NTNG1: variants seen among roughly 807,000 people sequenced by gnomAD.
NTNG1 encodes netrin G1, also known as netrin-G1.
In NTNG1, 16 loss-of-function variants were observed where a neutral mutation model predicts 54.0. The ratio of observed to expected loss-of-function variants is 0.30; its 90% CI spans 0.20 to 0.45. The LOEUF is 0.45. Ranked by LOEUF, NTNG1 falls within the 20% of genes least tolerant of loss-of-function variation. The probability of loss-of-function intolerance (pLI) is 1.00; values close to 1 mark genes in which losing one functional copy is unlikely to be tolerated. For missense variants in NTNG1, 530 were observed against 678.7 expected (o/e 0.78, Z 2.43); for synonymous variants, 255 against 263.1 (o/e 0.97, Z 0.30).
At chr1:107,406,720 A>C (rs1266781185) in intron 4 of NTNG1, among the ~76,000 whole-genome samples, 4 of 152,136 alleles carry the variant, frequency 2.6e-5, no homozygotes, top group Non-Finnish European at 5.9e-5. Context: ...GACCTAGTAC[A>C]TACTACCTGT....
chr1:107,463,925 G>T (rs543564955), intron 7 of NTNG1, among the ~76,000 whole-genome samples: 1 of 152,198 alleles, frequency 6.6e-6, no homozygotes, highest in African/African-American at 2.4e-5. Context: ...GGGGTTTGAG[G>T]TTATTTTGAA....
intron 3 of NTNG1, among the ~76,000 whole-genome samples, chr1:107,369,359 C>T (rs1264762679): frequency 6.6e-6 from 1 of 152,152 alleles, no homozygotes; most frequent in Non-Finnish European, 1.5e-5. Context: ...GTTACATTCG[C>T]ACTCACAGTG....
intron 3 of NTNG1, among the ~76,000 whole-genome samples, chr1:107,346,002 G>T (rs1669199782): frequency 6.6e-6 from 1 of 152,144 alleles, no homozygotes; most frequent in South Asian, 2.1e-4. Context: ...ACATCAACCA[G>T]CAACACACAA....
In NTNG1 at chr1:107,220,307, G is replaced by A. The variant is rs547824551; in HGVS notation, c.246+71468G>A. 3.9e-5 allele frequency among the ~76,000 whole-genome samples: 6 copies of A among 152,290 alleles called. No homozygotes were observed. The South Asian group carries it at 1.2e-3, about 32-fold the overall frequency. The stretch of plus-strand genomic sequence containing the variant: ...TGGCTCTCCCATGGAGCCTGCAGTG[G>A]CAATCCACCACCTTCAAAGGGTCTG... On this transcript the variant is annotated intron_variant, in intron 2 of 7. Transcript: ENST00000370068.
intron 6 of NTNG1, among the ~76,000 whole-genome samples, chr1:107,431,608 G>A (rs959207074): frequency 1.3e-5 from 2 of 152,022 alleles, no homozygotes; most frequent in African/African-American, 4.8e-5. Context: ...ACTGCTCTTG[G>A]CACCTAGGGA....
intron 2 of NTNG1, among the ~76,000 whole-genome samples, chr1:107,154,123 G>A (rs1455586316): frequency 6.6e-6 from 1 of 152,040 alleles, no homozygotes; most frequent in Non-Finnish European, 1.5e-5. Context: ...GTAGAGTCCT[G>A]AGCAAACTTA....
intron 7 of NTNG1, chr1:107,455,726 A>C (rs1676914163): frequency 2.6e-6 from 1 of 383,856 alleles, no homozygotes; most frequent in Non-Finnish European, 5.8e-6. Flanking sequence ...TGAGCCTTTT[A>C]CTGTGGTAGC....
chr1:107,205,627 TA>T (rs1302942525), intron 2 of NTNG1, among the ~76,000 whole-genome samples: 6,731 of 151,420 alleles, frequency 0.044, 150 homozygotes, highest in Non-Finnish European at 0.051. Context: ...ACTTTTTTTT[TA>T]AAAAAAACTA....
At chr1:107,281,383 G>A (rs1233191173) in intron 2 of NTNG1, among the ~76,000 whole-genome samples, 1 of 151,468 alleles carries the variant, frequency 6.6e-6, no homozygotes, top group Non-Finnish European at 1.5e-5. Flanking sequence ...AATATGATTA[G>A]TCTTCTTCTA....
chr1:107,153,092 A>G (rs1318750632), intron 2 of NTNG1, among the ~76,000 whole-genome samples: 2 of 152,182 alleles, frequency 1.3e-5, no homozygotes, highest in Non-Finnish European at 2.9e-5. Flanking sequence ...AATTATTGTA[A>G]GCATTGTGGA....
chr1:107,348,280 G>T (rs960140244), intron 3 of NTNG1, among the ~76,000 whole-genome samples: 1 of 151,846 alleles, frequency 6.6e-6, no homozygotes, highest in Non-Finnish European at 1.5e-5. Context: ...TGTGCACCAC[G>T]ACACCTGGCT....
At chr1:107,376,318 G>A (rs1285338045) in intron 3 of NTNG1, among the ~76,000 whole-genome samples, 1 of 151,988 alleles carries the variant, frequency 6.6e-6, no homozygotes, top group Non-Finnish European at 1.5e-5. Flanking sequence ...TGAGGCATGG[G>A]AATGGCGTGA....
At chr1:107,219,115 T>TC in intron 2 of NTNG1, among the ~76,000 whole-genome samples, 1 of 46,580 alleles carries the variant, frequency 2.1e-5, no homozygotes, top group East Asian at 2.6e-3. Flanking sequence ...TGTTTTTAAA[T>TC]TTTTTTTTTT....
At chr1:107,209,267 A>C (rs1488086807) in intron 2 of NTNG1, among the ~76,000 whole-genome samples, 1 of 152,026 alleles carries the variant, frequency 6.6e-6, no homozygotes, top group African/African-American at 2.4e-5. Context: ...TTGATCAGTC[A>C]CAGATTTGAC....
intron 2 of NTNG1, among the ~76,000 whole-genome samples, chr1:107,272,828 G>A (rs767798057): frequency 1.1e-4 from 17 of 152,184 alleles, no homozygotes; most frequent in Non-Finnish European, 1.9e-4. Context: ...TAAGCAGGTA[G>A]GCATTATCTT....
intron 3 of NTNG1, among the ~76,000 whole-genome samples, chr1:107,387,010 C>T (rs1672045325): frequency 6.6e-6 from 1 of 152,170 alleles, no homozygotes; most frequent in Admixed American, 6.5e-5. Context: ...TAATGTTGAG[C>T]ATTTCTTCGT....
chr1:107,249,159 CAATAATAAT>C (rs71095305), intron 2 of NTNG1, among the ~76,000 whole-genome samples: 12 of 143,752 alleles, frequency 8.3e-5, no homozygotes, highest in Admixed American at 1.4e-4. Flanking sequence ...GACTCTATCT[CAATAATAAT>C]AATAATAATA....
intron 3 of NTNG1, among the ~76,000 whole-genome samples, chr1:107,341,731 G>A (rs1463310389): frequency 6.6e-6 from 1 of 152,098 alleles, no homozygotes; most frequent in Non-Finnish European, 1.5e-5. Context: ...AGGAGAATAT[G>A]TTTCAGGATC....
chr1:107,464,848 T>G (rs1485888895), intron 7 of NTNG1, among the ~76,000 whole-genome samples: 1 of 152,168 alleles, frequency 6.6e-6, no homozygotes, highest in Non-Finnish European at 1.5e-5. Flanking sequence ...TTTAATACTT[T>G]GAAGGTTTTA....
Sources: gnomAD v4.1 joint callset for allele counts (sites outside exome capture counted in the v4.1 genomes callset) on GRCh38, gnomAD v4.1.1 for gene constraint, MANE v1.5 for transcripts, NCBI Gene and HGNC (gene_info 2026-07-23, HGNC 2026-07-21) for gene names.